The following IL17RD variants were observed in gnomAD, a reference collection of about 807,000 sequenced individuals.
IL17RD encodes interleukin 17 receptor D.
In IL17RD, 52 loss-of-function variants were observed where a neutral mutation model predicts 80.5. That is an observed-to-expected ratio of 0.65 (90% CI 0.52 to 0.81). IL17RD has a LOEUF of 0.81. IL17RD is among the 40% of genes least tolerant of loss of function. The probability of loss-of-function intolerance (pLI) is 0.00; values close to 1 mark genes in which losing one functional copy is unlikely to be tolerated. For synonymous variants in IL17RD, 416 were observed against 391.8 expected (o/e 1.06, Z -0.73); for missense variants, 1,024 against 955.1 (o/e 1.07, Z -0.95).
intron 1 of IL17RD, among the ~76,000 whole-genome samples, chr3:57,136,313 G>C (rs1403802959): frequency 6.6e-6 from 1 of 152,128 alleles, no homozygotes; most frequent in Non-Finnish European, 1.5e-5. Context: ...GCCCAGGTGT[G>C]GAAGAAGAAA....
chr3:57,138,717 C>A lies in IL17RD; in HGVS notation c.127-18404G>T, dbSNP rs138047318. 4.3e-3 allele frequency among the ~76,000 whole-genome samples: 658 copies of A among 152,110 alleles called. 5 individuals are homozygous for A. Among genetic ancestry groups the A allele is most frequent in the Non-Finnish European group, 7.1e-3 (481 of 67,996 alleles). ...TTGGGATGCCAAGGCAGGCAGATCA[C>A]CTGAGGTTGGGAGCTCGAGACCAGC... On this transcript the variant is annotated intron_variant, in intron 1 of 12. Coordinates refer to ENST00000296318, the MANE Select transcript of IL17RD (RefSeq NM_017563.5).
At chr3:57,156,229 A>G (rs1238022593) in intron 1 of IL17RD, among the ~76,000 whole-genome samples, 1 of 152,134 alleles carries the variant, frequency 6.6e-6, no homozygotes, top group East Asian at 1.9e-4. Context: ...GCAAGTTGCT[A>G]TTGGAAAGAG....
chr3:57,146,012 TGCGCGCACACACACACTCACGCGCGC>T (rs1175690067), intron 1 of IL17RD, among the ~76,000 whole-genome samples: 5 of 148,768 alleles, frequency 3.4e-5, no homozygotes, highest in African/African-American at 7.6e-5. Flanking sequence ...GGGGAAAGCG[TGCGCGCACACACACACTCACGCGCGC>T]GCGCGCGCAC....
chr3:57,092,716 T>C lies in IL17RD; in HGVS notation c.*3677A>G, dbSNP rs1365617830. Reference sequence around the variant, plus strand: ...GAAATGTAAAGACGCAATCAAGACATGTCCAGTGCATTCAGAATCACGTCA... The same window carrying C: ...GAAATGTAAAGACGCAATCAAGACACGTCCAGTGCATTCAGAATCACGTCA... On this transcript the variant is annotated 3_prime_UTR_variant, in exon 13 of 13. Transcript: ENST00000296318. 1.3e-5 allele frequency: 2 copies of C among 152,212 alleles called. No homozygotes were observed. Among genetic ancestry groups the C allele is most frequent in the South Asian group, 2.1e-4 (1 of 4,832 alleles). 9.4% of individuals were successfully genotyped at this position (152,212 alleles called of 1,614,324 possible). A position where few individuals can be genotyped will look rare whatever the true frequency, so the allele number is the denominator to read the frequency against.
intron 1 of IL17RD, among the ~76,000 whole-genome samples, chr3:57,146,141 T>G (rs1444869444): frequency 6.6e-6 from 1 of 152,182 alleles, no homozygotes; most frequent in Admixed American, 6.5e-5. Context: ...AGAATTTCCA[T>G]GATAATATTC....
intron 2 of IL17RD, among the ~76,000 whole-genome samples, chr3:57,116,965 T>C (rs1412284715): frequency 6.6e-6 from 1 of 151,086 alleles, no homozygotes; most frequent in East Asian, 1.9e-4. Flanking sequence ...TGGTCCATAA[T>C]GAAAGAGAAT....
At chr3:57,112,531 G>C (rs1280842965) in intron 3 of IL17RD, among the ~76,000 whole-genome samples, 1 of 152,110 alleles carries the variant, frequency 6.6e-6, no homozygotes, top group Non-Finnish European at 1.5e-5. Flanking sequence ...CAGTTTTCCT[G>C]TCACCAGCTC....
intron 1 of IL17RD, among the ~76,000 whole-genome samples, chr3:57,152,671 C>G (rs1312743246): frequency 2.0e-5 from 3 of 152,116 alleles, no homozygotes; most frequent in Non-Finnish European, 4.4e-5. Flanking sequence ...GCCCTTAAAT[C>G]TGGAGTGGGG....
chr3:57,154,770 A>G (rs2060256612), intron 1 of IL17RD, among the ~76,000 whole-genome samples: 1 of 152,162 alleles, frequency 6.6e-6, no homozygotes, highest in African/African-American at 2.4e-5. Flanking sequence ...TTTTCTGCTT[A>G]ATTTTGGTAA....
intron 11 of IL17RD, among the ~76,000 whole-genome samples, chr3:57,099,486 C>T (rs781696111): frequency 5.3e-5 from 8 of 152,178 alleles, no homozygotes; most frequent in Admixed American, 2.0e-4. Flanking sequence ...ATGGCTATGA[C>T]GAAACACAGC....
Position 57,096,303 on chromosome 3 carries a change from C to A in IL17RD, c.*90G>T. 1.2e-6 allele frequency: 1 copy of A among 863,196 alleles called. No individual in the cohort carries two copies. The highest frequency in any genetic ancestry group is 1.3e-5 in the South Asian group (1 of 74,232). 53.5% of individuals were successfully genotyped at this position (863,196 alleles called of 1,614,324 possible). ...CAAATATCCTTGTATGAGACCTCAG[C>A]TCCAAGTGGGCCATGCAACCAGGGA... On this transcript the variant is annotated 3_prime_UTR_variant, in exon 13 of 13. Coordinates refer to ENST00000296318, the MANE Select transcript of IL17RD (RefSeq NM_017563.5).
At chr3:57,156,816 A>C (rs1396388020) in intron 1 of IL17RD, among the ~76,000 whole-genome samples, 1 of 151,208 alleles carries the variant, frequency 6.6e-6, no homozygotes, top group Non-Finnish European at 1.5e-5. Flanking sequence ...CTTTGCCCAC[A>C]TCTTACTTTC....
At chr3:57,124,892 A>G (rs1001159798) in intron 1 of IL17RD, among the ~76,000 whole-genome samples, 5 of 152,132 alleles carry the variant, frequency 3.3e-5, no homozygotes, top group African/African-American at 9.6e-5. Flanking sequence ...GTTCTCCCCA[A>G]CCCAAGCTTC....
intron 12 of IL17RD, 46 bp from the exon 13 acceptor site, chr3:57,096,551 C>T: frequency 1.5e-6 from 2 of 1,314,992 alleles, no homozygotes; most frequent in Non-Finnish European, 2.2e-6. Flanking sequence ...TTGCATTTCA[C>T]TGGGCTGGGC....
rs775277573 is a variant in IL17RD, at chr3:57,110,166, A to G, written c.429+27T>C. The G allele has an allele frequency of 3.8e-5, 59 of 1,565,576 alleles. No individual in the cohort carries two copies. The South Asian group carries it at 6.5e-4, about 17-fold the overall frequency. On this transcript the variant is annotated intron_variant, in intron 4 of 12. Coordinates refer to ENST00000296318, the MANE Select transcript of IL17RD (RefSeq NM_017563.5). Reference sequence around the variant, plus strand: ...GACCCTGGAACAATGGCATGTCTTCAGGAGCACGTTCCCCAGTGTGACTTA... The same window carrying G: ...GACCCTGGAACAATGGCATGTCTTCGGGAGCACGTTCCCCAGTGTGACTTA...
At position 57,119,650 on chromosome 3, in the gene IL17RD, C is replaced by A. The variant is rs534415545; in HGVS notation, c.184+606G>T. On this transcript the variant is annotated intron_variant, in intron 2 of 12. Coordinates refer to ENST00000296318, the MANE Select transcript of IL17RD (RefSeq NM_017563.5). ...TGCAGATCCCTGGCCCATCTGGAACCCAGTTTCACACAGATTCACCTTGTG... is the reference window on the plus strand; with the variant it reads ...TGCAGATCCCTGGCCCATCTGGAACACAGTTTCACACAGATTCACCTTGTG... Among the ~76,000 whole-genome samples the A allele has an allele frequency of 2.0e-5, 3 of 152,010 alleles. No individual in the cohort carries two copies. In the South Asian group the frequency reaches 6.3e-4, roughly 32 times the overall value.
chr3:57,156,191 A>G (rs4465914), intron 1 of IL17RD, among the ~76,000 whole-genome samples: 1,721 of 152,284 alleles, frequency 0.011, 34 homozygotes, highest in African/African-American at 0.039. Flanking sequence ...TCGGCAGAGA[A>G]AAAGTGAAGA....
chr3:57,104,801 T>A (rs183850129), intron 7 of IL17RD, among the ~76,000 whole-genome samples: 2 of 152,298 alleles, frequency 1.3e-5, no homozygotes, highest in Admixed American at 1.3e-4. Context: ...TTGATAGAGA[T>A]GAGAGCCAGC....
At chr3:57,140,947 A>G (rs567015398) in intron 1 of IL17RD, among the ~76,000 whole-genome samples, 3 of 151,758 alleles carry the variant, frequency 2.0e-5, no homozygotes, top group South Asian at 4.2e-4. Flanking sequence ...AGGCTGGAGT[A>G]CAGTGGTACA....
Sources: allele counts gnomAD v4.1 joint callset (sites outside exome capture counted in the v4.1 genomes callset), GRCh38; gene constraint gnomAD v4.1.1; transcripts MANE v1.5; gene names NCBI Gene and HGNC (gene_info 2026-07-23, HGNC 2026-07-21).